The following NRIP1 variants were observed in gnomAD, a reference collection of about 807,000 sequenced individuals.
NRIP1 encodes the protein nuclear receptor interacting protein 1.
NRIP1 carries 28 observed loss-of-function variants against 75.0 expected under a neutral mutation model. That is an observed-to-expected ratio of 0.37 (90% CI 0.28 to 0.51). NRIP1 has a LOEUF of 0.51. NRIP1 is among the 20% of genes least tolerant of loss of function. The pLI, the probability that NRIP1 is intolerant of heterozygous loss-of-function variation, is 0.92. For missense variants in NRIP1, 1,435 were observed against 1,343.7 expected, an observed-to-expected ratio of 1.07 and a Z score of -1.06; for synonymous variants, 526 against 487.6, an observed-to-expected ratio of 1.08 and a Z score of -1.04.
At chr21:15,012,174 T>C (rs2088118637) in intron 3 of NRIP1, among the ~76,000 whole-genome samples, 1 of 152,172 alleles carries the variant, frequency 6.6e-6, no homozygotes, top group Non-Finnish European at 1.5e-5. Context: ...GATCCTCCTT[T>C]TGGAGACACA....
At chr21:15,065,426 G>T (rs1176575774), upstream of NRIP1, among the ~76,000 whole-genome samples, 1 of 152,074 alleles carries the variant, frequency 6.6e-6, no homozygotes, top group Non-Finnish European at 1.5e-5. Context: ...AAGCGCTCTT[G>T]GGACCCAGGC....
chr21:15,024,562 T>A (rs2088467475), intron 2 of NRIP1, among the ~76,000 whole-genome samples: 1 of 133,480 alleles, frequency 7.5e-6, no homozygotes, highest in Non-Finnish European at 1.5e-5. Context: ...AACTTTGGTA[T>A]CCAGAGTGTG....
In NRIP1 at chr21:14,967,690, G is replaced by T; in HGVS notation, c.503C>A (p.Ser168Tyr). Residue 168 changes from serine to tyrosine, a missense_variant, in exon 4 of 4, where the codon TCT becomes TAT. Ser to Tyr is a moderately radical substitution (Grantham distance 144, BLOSUM62 -2). Transcript: ENST00000318948. Reference sequence around the variant, plus strand: ...CCTTAAATCCTTCTCCACTTTTAAAGAATCATGACTGAGGGCATATCCTTG... The same window carrying T: ...CCTTAAATCCTTCTCCACTTTTAAATAATCATGACTGAGGGCATATCCTTG... Reference protein sequence around the residue: ...KEQGYALSHDSLKVEKDLRCY... With the variant: ...KEQGYALSHDYLKVEKDLRCY... 6.2e-7 allele frequency: 1 copy of T among 1,614,102 alleles called. No individual in the cohort carries two copies. The highest frequency in any genetic ancestry group is 1.3e-5 in the African/African-American group (1 of 75,038).
intron 1 of NRIP1, among the ~76,000 whole-genome samples, chr21:15,047,059 G>T (rs1247260263): frequency 6.6e-6 from 1 of 152,126 alleles, no homozygotes; most frequent in Non-Finnish European, 1.5e-5. Context: ...TTCTCACACA[G>T]CTATGAAAAA....
At chr21:15,038,353 A>C (rs1359074020) in intron 2 of NRIP1, among the ~76,000 whole-genome samples, 2 of 152,072 alleles carry the variant, frequency 1.3e-5, no homozygotes, top group African/African-American at 4.8e-5. Flanking sequence ...TGAAAGCCAA[A>C]CTATACTTCT....
Position 14,966,075 on chromosome 21 carries a change from C to A in NRIP1, c.2118G>T (p.Leu706=), listed in dbSNP as rs767892211. The change falls in exon 4 of 4, where the codon CTG becomes CTT. Residue 706 remains leucine, a synonymous_variant. Transcript: ENST00000318948. ...ACTGGAGGACAGTACGTCTTTCAAG[C>A]AGATTTTCTATTTCAGAACCAGAAA... ...PGLSGSEIEN[L]LERRTVLQLL... 1 of 1,612,398 alleles carries A rather than the reference C, an allele frequency of 6.2e-7. No homozygotes were observed. The highest frequency in any genetic ancestry group is 2.2e-5 in the East Asian group (1 of 44,882).
chr21:15,048,861 TAGAC>T (rs2089143173), intron 1 of NRIP1, among the ~76,000 whole-genome samples: 3 of 152,210 alleles, frequency 2.0e-5, no homozygotes, highest in Non-Finnish European at 2.9e-5. Flanking sequence ...ATGATCCACT[TAGAC>T]AGTGTGGCAG....
At position 14,975,626 on chromosome 21, in the gene NRIP1, T is replaced by TA. The variant is rs71183452; in HGVS notation, c.-334-7101dup. ...GTGACAGAATAAGACACTATTTCTT[T>TA]AAAAAAAAAAAAAAAAAAGGAAGGA... On this transcript the variant is annotated intron_variant, in intron 3 of 3. Transcript: ENST00000318948. Among the ~76,000 whole-genome samples the TA allele has an allele frequency of 6.9e-4, 74 of 107,530 alleles. 1 individual carries two copies. Among genetic ancestry groups the TA allele is most frequent in the African/African-American group, 1.9e-3 (56 of 28,874 alleles). The allele number at this position is 107,530 out of a possible 152,430, so 70.5% of individuals were successfully genotyped here.
Position 15,014,447 on chromosome 21 carries a change from T to C in NRIP1, c.-438A>G. The C allele has an allele frequency of 2.5e-6, 1 of 398,434 alleles. No homozygotes were observed. The allele number at this position is 398,434 out of a possible 1,614,324, so 24.7% of individuals were successfully genotyped here. A position where few individuals can be genotyped will look rare whatever the true frequency, so the allele number is the denominator to read the frequency against. Reference sequence around the variant, plus strand: ...TCCGGAGTCTTCAGATTCCCTGTCCTCCTTCAGTCAAGTGTGCATCTTAAC... The same window carrying C: ...TCCGGAGTCTTCAGATTCCCTGTCCCCCTTCAGTCAAGTGTGCATCTTAAC... On this transcript the variant is annotated 5_prime_UTR_variant, in exon 3 of 4. Transcript: ENST00000318948.
intron 2 of NRIP1, among the ~76,000 whole-genome samples, chr21:15,029,081 T>C (rs1245260382): frequency 1.3e-5 from 2 of 152,204 alleles, no homozygotes; most frequent in Non-Finnish European, 2.9e-5. Context: ...ATTCAGCTAC[T>C]TCTTACTGTC....
intron 2 of NRIP1, among the ~76,000 whole-genome samples, chr21:15,036,598 AG>A (rs112167954): frequency 9.0e-4 from 132 of 146,668 alleles, no homozygotes; most frequent in African/African-American, 3.3e-3. Context: ...GTTTTTTTGG[AG>A]GGGGGGATAT....
rs1159868086 is a variant in NRIP1, at chr21:14,966,662, C to T, written c.1531G>A (p.Glu511Lys). 1.2e-6 allele frequency: 2 copies of T among 1,613,824 alleles called. No homozygotes were observed. The highest frequency in any genetic ancestry group is 2.7e-5 in the African/African-American group (2 of 74,852). ...GGGCTGGTGTTTTTTTCTACATTTT[C>T]TTCATTCTTATGGCCAAGTAGCAAT... Reference protein sequence around the residue: ...LQLLLGHKNEENVEKNTSPQG... With the variant: ...LQLLLGHKNEKNVEKNTSPQG... The change falls in exon 4 of 4, where the codon GAA becomes AAA. Residue 511 changes from glutamate (E) to lysine (K), a missense_variant. By Grantham distance (56) the Glu-to-Lys change is moderately conservative. Coordinates refer to ENST00000318948, the MANE Select transcript of NRIP1 (RefSeq NM_003489.4).
At chr21:15,038,462 T>G (rs1426512697) in intron 2 of NRIP1, among the ~76,000 whole-genome samples, 2 of 152,088 alleles carry the variant, frequency 1.3e-5, no homozygotes, top group African/African-American at 4.8e-5. Context: ...GTCTCCTATA[T>G]TTTACAGAAA....
At chr21:14,985,342 T>C (rs1017729570) in intron 3 of NRIP1, among the ~76,000 whole-genome samples, 1 of 152,198 alleles carries the variant, frequency 6.6e-6, no homozygotes, top group South Asian at 2.1e-4. Flanking sequence ...TATATCTTTT[T>C]CCCTGGAATA....
At chr21:14,991,920 C>A (rs1335459236) in intron 3 of NRIP1, among the ~76,000 whole-genome samples, 2 of 152,118 alleles carry the variant, frequency 1.3e-5, no homozygotes, top group Non-Finnish European at 2.9e-5. Flanking sequence ...AGCAAGAAAC[C>A]TCATCCAGAA....
chr21:15,001,566 A>G (rs1006968889), intron 3 of NRIP1, among the ~76,000 whole-genome samples: 4 of 152,174 alleles, frequency 2.6e-5, no homozygotes, highest in African/African-American at 4.8e-5. Context: ...ACAGAATTAA[A>G]AAAAATTATA....
rs760091887 is a variant in NRIP1 at position 14,966,517 on chromosome 21, G to A, written c.1676C>T (p.Ser559Leu). 6.2e-7 allele frequency: 1 copy of A among 1,614,004 alleles called. No homozygotes were observed. Among genetic ancestry groups the A allele is most frequent in the Non-Finnish European group, 8.5e-7 (1 of 1,179,900 alleles). ...ATTGATGGGAGACCCTGCTTTGCTT[G>A]ATGTAAGTAAAGGTGGAGTGCTCAC... The part of the protein sequence containing the change: ...TPVSTPPLLT[S>L]SKAGSPINLS... The change falls in exon 4 of 4, where the codon TCA becomes TTA. Residue 559 changes from serine (S) to leucine (L), a missense_variant. Physicochemically the swap from Ser to Leu is moderately radical, Grantham distance 145. Transcript: ENST00000318948.
At chr21:15,065,154 CCATT>C (rs1568744465), upstream of NRIP1, among the ~76,000 whole-genome samples, 1 of 152,142 alleles carries the variant, frequency 6.6e-6, no homozygotes, top group African/African-American at 2.4e-5. Context: ...CCCCTCCCTC[CCATT>C]GTCACCCGGT....
Position 14,966,507 on chromosome 21 carries a change from T to C in NRIP1, c.1686A>G (p.Ala562=). The C allele has an allele frequency of 6.2e-7, 1 of 1,614,126 alleles. No homozygotes were observed. Among genetic ancestry groups the C allele is most frequent in the Non-Finnish European group, 8.5e-7 (1 of 1,179,976 alleles). The change falls in exon 4 of 4, where the codon GCA becomes GCG. Residue 562 remains alanine (A), a synonymous_variant. Transcript: ENST00000318948. ...STPPLLTSSK[A]GSPINLSQHS... is the part of the protein sequence containing the mutation. ...GTTGAGAGAGATTGATGGGAGACCCTGCTTTGCTTGATGTAAGTAAAGGTG... is the reference window on the plus strand; with the variant it reads ...GTTGAGAGAGATTGATGGGAGACCCCGCTTTGCTTGATGTAAGTAAAGGTG...
Sources: allele counts gnomAD v4.1 joint callset (sites outside exome capture counted in the v4.1 genomes callset), GRCh38; gene constraint gnomAD v4.1.1; transcripts MANE v1.5; gene names NCBI Gene and HGNC (gene_info 2026-07-23, HGNC 2026-07-21).